Variants in KLHL13 observed in about 807,000 individuals in gnomAD.
KLHL13 encodes the protein kelch-like protein 13.
Under a neutral mutation model 37.1 loss-of-function variants are expected in KLHL13, and 10 were observed. That is an observed-to-expected ratio of 0.27 (90% CI 0.17 to 0.46). The LOEUF is 0.46. Among genes scored for constraint, KLHL13 ranks in the 20% least tolerant of loss-of-function variants. The probability of loss-of-function intolerance (pLI) is 1.00; values close to 1 mark genes in which losing one functional copy is unlikely to be tolerated. For synonymous variants in KLHL13, 163 were observed against 181.2 expected (o/e 0.90, Z 0.81); for missense variants, 360 against 509.3 (o/e 0.71, Z 2.82).
At chrX:118,098,095 C>A (rs1355822110) in intron 1 of KLHL13, among the ~76,000 whole-genome samples, 18 of 111,674 alleles carry the variant, frequency 1.6e-4, no homozygotes, top group South Asian at 7.4e-4. Flanking sequence ...TAATGAAACT[C>A]AAGAGCTTCT....
rs370005852 is a variant in KLHL13, at chrX:118,107,917, G to T, written c.-56+8591C>A. Among the ~76,000 whole-genome samples the T allele has an allele frequency of 1.2e-3, 133 of 111,624 alleles. 1 individual carries two copies. The highest frequency in any genetic ancestry group is 4.2e-3 in the African/African-American group (128 of 30,733). ...AAATACATAAAATTAGCCAGGCGTG[G>T]TGGCATGCACCTGCAGTCCCAACTA... On this transcript the variant is annotated intron_variant, in intron 1 of 6. Transcript: ENST00000371882.
At chrX:117,899,428 TA>T in intron 6 of KLHL13, 33 bp from the exon 8 acceptor site, 1 of 1,126,237 alleles carries the variant, frequency 8.9e-7, no homozygotes, top group Non-Finnish European at 1.2e-6. Flanking sequence ...TTGAAGTAAA[TA>T]ATTATAGAAA....
chrX:118,052,383 C>G (rs760380216), intron 1 of KLHL13, among the ~76,000 whole-genome samples: 6 of 103,841 alleles, frequency 5.8e-5, no homozygotes, highest in Admixed American at 3.1e-4. Context: ...ATTAGCCAGG[C>G]GTGGTGGCAG....
intron 1 of KLHL13, among the ~76,000 whole-genome samples, chrX:118,045,555 G>A (rs2054551305): frequency 9.0e-6 from 1 of 110,870 alleles, no homozygotes; most frequent in Non-Finnish European, 1.9e-5. Context: ...TGTAATCCCA[G>A]CACTTTGGGA....
chrX:117,932,555 T>C (rs1246000964), intron 2 of KLHL13, among the ~76,000 whole-genome samples: 1 of 112,306 alleles, frequency 8.9e-6, no homozygotes, highest in Non-Finnish European at 1.9e-5. Flanking sequence ...ATTGTATCTA[T>C]CTATCTGTAT....
rs73597437 is a variant in KLHL13, at chrX:118,059,116, G to T, written c.-56+57392C>A. Among the ~76,000 whole-genome samples, 243 of 111,503 alleles carry T rather than the reference G, an allele frequency of 2.2e-3. 1 individual carries two copies. The highest frequency in any genetic ancestry group is 7.7e-3 in the African/African-American group (238 of 30,748). On this transcript the variant is annotated intron_variant, in intron 1 of 6. Transcript: ENST00000371882. ...GAACATAAGAAGAGTACAACAATCC[G>T]GGATCATATATTGTAGAAGCAAATA...
intron 1 of KLHL13, among the ~76,000 whole-genome samples, chrX:118,044,433 G>GAAAAAAAAAA (rs145656367): frequency 1.2e-5 from 1 of 82,883 alleles, no homozygotes; most frequent in Non-Finnish European, 2.3e-5. Flanking sequence ...TTACTCTGAG[G>GAAAAAAAAAA]AAAAAAAAAA....
chrX:117,919,812 C>T, intron 3 of KLHL13, 95 bp from the exon 5 acceptor site: 1 of 632,047 alleles, frequency 1.6e-6, no homozygotes, highest in Non-Finnish European at 2.5e-6. Flanking sequence ...AAAGGAAAGT[C>T]TTATCTTATA....
intron 1 of KLHL13, among the ~76,000 whole-genome samples, chrX:118,000,250 T>C (rs1439697152): frequency 8.9e-6 from 1 of 111,935 alleles, no homozygotes; most frequent in African/African-American, 3.2e-5. Context: ...CCCATCCCTA[T>C]CACAGAATCC....
chrX:118,038,281 T>C (rs996799696), intron 1 of KLHL13, among the ~76,000 whole-genome samples: 2 of 112,287 alleles, frequency 1.8e-5, no homozygotes, highest in Non-Finnish European at 3.8e-5. Context: ...TCATCTCTCC[T>C]GTAGGAAGAC....
chrX:118,032,554 C>T (rs1406578873), intron 1 of KLHL13, among the ~76,000 whole-genome samples: 2 of 112,059 alleles, frequency 1.8e-5, no homozygotes, highest in African/African-American at 3.2e-5. Context: ...GGAAAACTAA[C>T]AAACAGAAAG....
intron 5 of KLHL13, among the ~76,000 whole-genome samples, chrX:117,903,635 CCTT>C (rs1417720404): frequency 1.8e-5 from 2 of 110,791 alleles, no homozygotes; most frequent in Non-Finnish European, 3.8e-5. Context: ...CTCTCTCTCT[CCTT>C]CTCTCTCTCT....
At chrX:117,917,630 A>G (rs755772461) in intron 4 of KLHL13, among the ~76,000 whole-genome samples, 34 of 112,070 alleles carry the variant, frequency 3.0e-4, no homozygotes, top group Non-Finnish European at 4.9e-4. Flanking sequence ...CTTTTCTATT[A>G]TTGTGACAGT....
chrX:118,068,590 G>T (rs989789653), intron 1 of KLHL13, among the ~76,000 whole-genome samples: 8 of 110,579 alleles, frequency 7.2e-5, no homozygotes, highest in African/African-American at 2.6e-4. Context: ...CTCACTACTG[G>T]GGTCCCCTGC....
At chrX:118,089,966 A>T (rs2055109968) in intron 1 of KLHL13, among the ~76,000 whole-genome samples, 1 of 108,656 alleles carries the variant, frequency 9.2e-6, no homozygotes, top group Non-Finnish European at 1.9e-5. Context: ...CTATAGTCCC[A>T]GCTACTCAAG....
In KLHL13 at chrX:117,916,645, C is replaced by T. The variant is rs1931381829; in HGVS notation, c.570+2876G>A. ...ATGTTTTCTAGGTTCTTTACTGATT[C>T]GCATTTTACATACCACTGTTACTGA... On this transcript the variant is annotated intron_variant, in intron 4 of 6. Coordinates refer to ENST00000262820, the Ensembl canonical transcript of KLHL13. Among the ~76,000 whole-genome samples the T allele has an allele frequency of 2.7e-5, 3 of 111,766 alleles. No homozygotes were observed. The Admixed American group carries it at 2.9e-4, about 11-fold the overall frequency.
intron 5 of KLHL13, among the ~76,000 whole-genome samples, chrX:117,903,637 TTCTC>T (rs1313894888): frequency 9.1e-6 from 1 of 110,119 alleles, no homozygotes. Flanking sequence ...CTCTCTCTCC[TTCTC>T]TCTCTCTCGC....
At chrX:118,011,151 G>T (rs1349288589) in intron 1 of KLHL13, among the ~76,000 whole-genome samples, 6 of 109,725 alleles carry the variant, frequency 5.5e-5, no homozygotes, top group Non-Finnish European at 1.9e-5. Flanking sequence ...ATATATTTCA[G>T]TGAAAGTTTC....
At chrX:118,070,746 T>TTTTATTTA (rs199522673) in intron 1 of KLHL13, among the ~76,000 whole-genome samples, 6 of 107,248 alleles carry the variant, frequency 5.6e-5, no homozygotes, top group Admixed American at 9.9e-5. Context: ...TTTTAAATAT[T>TTTTATTTA]TTTATTTATT....
Sources: gnomAD v4.1 joint callset for allele counts (sites outside exome capture counted in the v4.1 genomes callset) on GRCh38, gnomAD v4.1.1 for gene constraint, MANE v1.5 for transcripts, NCBI Gene and HGNC (gene_info 2026-07-23, HGNC 2026-07-21) for gene names.